PRDM16: variants seen among roughly 807,000 people sequenced by gnomAD.
PRDM16 encodes PR/SET domain 16, also known as histone-lysine N-methyltransferase PRDM16.
PRDM16 carries 23 observed loss-of-function variants against 110.6 expected under a neutral mutation model. The observed-to-expected ratio is 0.21, with a 90% confidence interval of 0.15 to 0.29. PRDM16 has a LOEUF of 0.29. Ranked by LOEUF, PRDM16 falls within the 10% of genes least tolerant of loss-of-function variation. PRDM16 has a pLI of 1.00. For missense variants in PRDM16, 1,615 were observed against 1,794.3 expected (o/e 0.90, Z 1.81); for synonymous variants, 799 against 781.8 (o/e 1.02, Z -0.37).
At chr1:3,261,656 T>G (rs925180001) in intron 3 of PRDM16, among the ~76,000 whole-genome samples, 5 of 152,258 alleles carry the variant, frequency 3.3e-5, no homozygotes, top group Admixed American at 6.5e-5. Context: ...CCCACCTAAC[T>G]GGGTTCCTGG....
chr1:3,197,235 G>T (rs1569825018), intron 2 of PRDM16, among the ~76,000 whole-genome samples: 1 of 152,096 alleles, frequency 6.6e-6, no homozygotes, highest in East Asian at 1.9e-4. Flanking sequence ...CCATGGGCTG[G>T]GTGGACCCAG....
chr1:3,165,457 T>G (rs61759164), intron 1 of PRDM16, among the ~76,000 whole-genome samples: 10,436 of 34,164 alleles, frequency 0.31, 817 homozygotes, highest in East Asian at 0.44. Context: ...TCAGGGACAG[T>G]GACTCACCTG....
chr1:3,116,662 G>A lies in PRDM16; in HGVS notation c.37+47366G>A, dbSNP rs913617205. Among the ~76,000 whole-genome samples the A allele has an allele frequency of 2.0e-5, 3 of 152,154 alleles. No individual in the cohort carries two copies. In the East Asian group the frequency reaches 5.8e-4, roughly 29 times the overall value. On this transcript the variant is annotated intron_variant, in intron 1 of 16. Transcript: ENST00000270722. ...CAGACACGGTGTGGCCTGTCACTGCGGGTCTATGCCCGAGCTCTGGCCAGA... is the reference window on the plus strand; with the variant it reads ...CAGACACGGTGTGGCCTGTCACTGCAGGTCTATGCCCGAGCTCTGGCCAGA...
In PRDM16 at chr1:3,209,469, C is replaced by T. The variant is rs1403177340; in HGVS notation, c.387+22995C>T. Reference sequence around the variant, plus strand: ...AGGTCGCGTGAATGCCTGTGTCCCCCGGGACAGCCAGGGAGGCAGGAGGCC... The same window carrying T: ...AGGTCGCGTGAATGCCTGTGTCCCCTGGGACAGCCAGGGAGGCAGGAGGCC... On this transcript the variant is annotated intron_variant, in intron 2 of 16. Coordinates refer to ENST00000270722, the MANE Select transcript of PRDM16 (RefSeq NM_022114.4). This position sits in a 1 kb window ranked among gnomAD's most constrained non-coding sequence, Gnocchi z 4.6. 2.6e-5 allele frequency among the ~76,000 whole-genome samples: 4 copies of T among 152,158 alleles called. No individual in the cohort carries two copies. Among genetic ancestry groups the T allele is most frequent in the Non-Finnish European group, 4.4e-5 (3 of 68,028 alleles).
In PRDM16 at chr1:3,114,635, T is replaced by C. The variant is rs191619343; in HGVS notation, c.37+45339T>C. On this transcript the variant is annotated intron_variant, in intron 1 of 16. Transcript: ENST00000270722. Reference sequence around the variant, plus strand: ...GTGCATACACACATGAACACACACATATGTGCAAGCACACACACGTGCACA... The same window carrying C: ...GTGCATACACACATGAACACACACACATGTGCAAGCACACACACGTGCACA... Among the ~76,000 whole-genome samples, 151 of 139,168 alleles carry C rather than the reference T, an allele frequency of 1.1e-3. 1 individual carries two copies. The highest frequency in any genetic ancestry group is 3.7e-3 in the African/African-American group (134 of 36,040). The allele number at this position is 139,168 out of a possible 152,430, so 91.3% of individuals were successfully genotyped here.
At chr1:3,301,830 C>T (rs1641215021) in intron 3 of PRDM16, among the ~76,000 whole-genome samples, 1 of 152,210 alleles carries the variant, frequency 6.6e-6, no homozygotes, top group Admixed American at 6.5e-5. Context: ...GTGCTCCAGG[C>T]CTCCAGAGGA....
intron 3 of PRDM16, among the ~76,000 whole-genome samples, chr1:3,361,338 C>G (rs542852246): frequency 1.3e-5 from 2 of 152,296 alleles, no homozygotes; most frequent in South Asian, 4.1e-4. Context: ...CGTCCAGGAC[C>G]CAGAGCCACA....
intron 3 of PRDM16, among the ~76,000 whole-genome samples, chr1:3,280,051 A>T (rs79902390): frequency 3.7e-4 from 43 of 115,620 alleles, no homozygotes; most frequent in African/African-American, 1.4e-3. Flanking sequence ...AAGCAGGGTG[A>T]AAAAAAAAAA....
intron 2 of PRDM16, among the ~76,000 whole-genome samples, chr1:3,211,902 C>T (rs1569853105): frequency 6.6e-6 from 1 of 152,214 alleles, no homozygotes; most frequent in African/African-American, 2.4e-5. Context: ...GTATCCGCGG[C>T]TGCTCCATTC....
At chr1:3,349,305 C>T (rs1394453581) in intron 3 of PRDM16, among the ~76,000 whole-genome samples, 1 of 152,136 alleles carries the variant, frequency 6.6e-6, no homozygotes, top group Non-Finnish European at 1.5e-5. Context: ...GACGGGGCCG[C>T]ACCGGCACGC....
chr1:3,289,636 G>T (rs995615945), intron 3 of PRDM16, among the ~76,000 whole-genome samples: 1 of 152,308 alleles, frequency 6.6e-6, no homozygotes, highest in African/African-American at 2.4e-5. Flanking sequence ...GCGGGTCCAC[G>T]GTGAGCCCCA....
At chr1:3,119,422 C>G (rs914807542) in intron 1 of PRDM16, among the ~76,000 whole-genome samples, 1 of 152,254 alleles carries the variant, frequency 6.6e-6, no homozygotes, top group East Asian at 1.9e-4. Flanking sequence ...ACTCCCCATC[C>G]AGCCCTGGCC....
intron 2 of PRDM16, among the ~76,000 whole-genome samples, chr1:3,222,441 C>T (rs1269289083): frequency 6.6e-6 from 1 of 152,220 alleles, no homozygotes; most frequent in Non-Finnish European, 1.5e-5. Flanking sequence ...AGTGGGGGCT[C>T]GCAGCCTGTT....
At chr1:3,216,003 G>A (rs779350859) in intron 2 of PRDM16, among the ~76,000 whole-genome samples, 8 of 152,132 alleles carry the variant, frequency 5.3e-5, no homozygotes, top group Admixed American at 6.5e-5. Flanking sequence ...TGAAACACTC[G>A]AATAAATACT....
rs986087760 is a variant in PRDM16 at position 3,425,234 on chromosome 1, C to T, written c.2940-347C>T. 3.8e-5 allele frequency: 7 copies of T among 183,456 alleles called. No homozygotes were observed. The highest frequency in any genetic ancestry group is 5.5e-5 in the Admixed American group (1 of 18,306). The allele number at this position is 183,456 out of a possible 1,614,324, so 11.4% of individuals were successfully genotyped here. On this transcript the variant is annotated intron_variant, in intron 12 of 16. Transcript: ENST00000270722. The surrounding 1 kb of genome is among the most constrained non-coding windows in gnomAD (Gnocchi z 6.9). ...CTGGGACTACAGGCGCCCACCACCACGACTGGCTGATTTTTTTGTATTTTT... is the reference window on the plus strand; with the variant it reads ...CTGGGACTACAGGCGCCCACCACCATGACTGGCTGATTTTTTTGTATTTTT...
At chr1:3,355,437 G>A (rs1642576013) in intron 3 of PRDM16, among the ~76,000 whole-genome samples, 1 of 152,162 alleles carries the variant, frequency 6.6e-6, no homozygotes, top group African/African-American at 2.4e-5. Flanking sequence ...CTGTCTCCCA[G>A]GCAAGGGGTT....
chr1:3,182,460 AC>A (rs1431578325), intron 1 of PRDM16, among the ~76,000 whole-genome samples: 7 of 151,822 alleles, frequency 4.6e-5, no homozygotes, highest in Admixed American at 2.0e-4. Flanking sequence ...AGACCCCAAG[AC>A]CCTGGCCATA....
In PRDM16 at chr1:3,255,365, G is replaced by T. The variant is rs4648464; in HGVS notation, c.438+11228G>T. Among the ~76,000 whole-genome samples, 1 of 152,070 alleles carries T rather than the reference G, an allele frequency of 6.6e-6. No homozygotes were observed. The highest frequency in any genetic ancestry group is 3.4e-3 in the Middle Eastern group (1 of 294). ...ACCCCACAGTGGGGTCCTGAGGGTCGCGTGCAGCACACAGCCTCCCAGACG... is the reference window on the plus strand; with the variant it reads ...ACCCCACAGTGGGGTCCTGAGGGTCTCGTGCAGCACACAGCCTCCCAGACG... On this transcript the variant is annotated intron_variant, in intron 3 of 16. Transcript: ENST00000270722. The surrounding 1 kb of genome is among the most constrained non-coding windows in gnomAD (Gnocchi z 4.7).
chr1:3,146,161 T>A (rs558490987), intron 1 of PRDM16, among the ~76,000 whole-genome samples: 1 of 152,264 alleles, frequency 6.6e-6, no homozygotes, highest in South Asian at 2.1e-4. Context: ...CCCGCACATT[T>A]GGGATATTCT....
Sources: allele counts gnomAD v4.1 joint callset (sites outside exome capture counted in the v4.1 genomes callset), GRCh38; gene constraint gnomAD v4.1.1; non-coding constraint Gnocchi (gnomAD v3.1); transcripts MANE v1.5; gene names NCBI Gene and HGNC (gene_info 2026-07-23, HGNC 2026-07-21).